The following ZC3H14 variants were observed in gnomAD, a reference collection of about 807,000 sequenced individuals.
The protein encoded by ZC3H14 is zinc finger CCCH-type containing 14.
A neutral mutation model predicts 92.4 loss-of-function variants in ZC3H14; 31 were observed. The ratio of observed to expected loss-of-function variants is 0.34; its 90% CI spans 0.25 to 0.45. ZC3H14 has a LOEUF of 0.45. ZC3H14 is among the 20% of genes least tolerant of loss of function. The pLI is 1.00. For synonymous variants in ZC3H14, 321 were observed against 300.9 expected (o/e 1.07, Z -0.69); for missense variants, 781 against 897.3 (o/e 0.87, Z 1.66).
intron 9 of ZC3H14, among the ~76,000 whole-genome samples, chr14:88,587,758 CA>C (rs1339161845): frequency 6.6e-6 from 1 of 151,880 alleles, no homozygotes; most frequent in South Asian, 2.1e-4. Context: ...CCAGCGTGGG[CA>C]ACATAGCGAG....
chr14:88,583,112 T>C (rs777135004), intron 9 of ZC3H14, among the ~76,000 whole-genome samples: 80 of 151,016 alleles, frequency 5.3e-4, no homozygotes, highest in Non-Finnish European at 1.1e-3. Flanking sequence ...TTGTTTTCTA[T>C]TTCATTGACT....
intron 13 of ZC3H14, among the ~76,000 whole-genome samples, chr14:88,607,580 A>AAGTG (rs2085661863): frequency 7.6e-6 from 1 of 131,928 alleles, no homozygotes; most frequent in African/African-American, 2.9e-5. Flanking sequence ...CTCACCCTGC[A>AAGTG]AGTACCATCT....
At chr14:88,593,179 G>T (rs572866506) in intron 9 of ZC3H14, among the ~76,000 whole-genome samples, 1 of 152,106 alleles carries the variant, frequency 6.6e-6, no homozygotes, top group African/African-American at 2.4e-5. Context: ...CATTGGTCAG[G>T]CTGGTCTCGA....
At position 88,610,843 on chromosome 14, in the gene ZC3H14, T is replaced by G; in HGVS notation, c.2107T>G (p.Phe703Val). ...CPFYHPKHCR[F>V]NTQCTRPDCT... ...TGTTATCTCTATTCAGCATTGTAGGTTTAACACTCAATGTACAAGACCGGA... is the reference window on the plus strand; with the variant it reads ...TGTTATCTCTATTCAGCATTGTAGGGTTAACACTCAATGTACAAGACCGGA... Residue 703 changes from phenylalanine to valine, a missense_variant, in exon 16 of 17, where the codon TTT (phenylalanine) becomes GTT (valine). Phe to Val is a conservative substitution (Grantham distance 50, BLOSUM62 -1). Transcript: ENST00000251038. The G allele has an allele frequency of 6.2e-7, 1 of 1,613,942 alleles. No homozygotes were observed. The highest frequency in any genetic ancestry group is 1.1e-5 in the South Asian group (1 of 91,064).
intron 9 of ZC3H14, chr14:88,594,735 G>A (rs770044415): frequency 8.7e-6 from 14 of 1,613,878 alleles, no homozygotes; most frequent in Non-Finnish European, 1.1e-5. Flanking sequence ...TTATGAGAAT[G>A]TCTTCAAAGT....
rs764134823 is a variant in ZC3H14 at position 88,618,625 on chromosome 14, T to G, written c.*6874T>G. 6.3e-7 allele frequency: 1 copy of G among 1,586,304 alleles called. No homozygotes were observed. The highest frequency in any genetic ancestry group is 2.2e-5 in the East Asian group (1 of 44,622). The stretch of plus-strand genomic sequence containing the variant: ...TGTAAAAGCAGAAGAACTTGCCACC[T>G]GGGTATACAGTATTGGTACTGTACC... On this transcript the variant is annotated 3_prime_UTR_variant, in exon 17 of 17. Transcript: ENST00000251038.
At position 88,622,437 on chromosome 14, in the gene ZC3H14, G is replaced by A; in HGVS notation, c.*10686G>A. 4.1e-6 allele frequency: 2 copies of A among 487,510 alleles called. No individual in the cohort carries two copies. The highest frequency in any genetic ancestry group is 7.0e-6 in the Non-Finnish European group (2 of 284,982). 30.2% of individuals were successfully genotyped at this position (487,510 alleles called of 1,614,324 possible). ...GCTTCCTAGCTTATGCACCACACTG[G>A]TGCTAACTTTGGCAAAGAAAGCAGC... On this transcript the variant is annotated 3_prime_UTR_variant, in exon 17 of 17. Transcript: ENST00000251038.
At position 88,563,450 on chromosome 14, in the gene ZC3H14, C is replaced by T. The variant is rs1595445044; in HGVS notation, c.37-201C>T. 4.2e-6 allele frequency: 6 copies of T among 1,431,176 alleles called. No individual in the cohort carries two copies. The South Asian group carries it at 4.5e-5, about 11-fold the overall frequency. The allele number at this position is 1,431,176 out of a possible 1,614,324, so 88.7% of individuals were successfully genotyped here. On this transcript the variant is annotated intron_variant, in intron 1 of 16. Transcript: ENST00000251038. Reference sequence around the variant, plus strand: ...GCACGGCGCCGCTTTGGATCCGCTGCGGGAGGTGGGCGCCGCGGGGCTGGG... The same window carrying T: ...GCACGGCGCCGCTTTGGATCCGCTGTGGGAGGTGGGCGCCGCGGGGCTGGG...
Position 88,617,150 on chromosome 14 carries a change from C to CTT in ZC3H14, c.*5411_*5412dup, listed in dbSNP as rs1358683137. 89 of 184,886 alleles carry CTT rather than the reference C, an allele frequency of 4.8e-4. No homozygotes were observed. Among genetic ancestry groups the CTT allele is most frequent in the Non-Finnish European group, 6.2e-4 (57 of 91,510 alleles). The allele number at this position is 184,886 out of a possible 1,614,324, so 11.5% of individuals were successfully genotyped here. A position where few individuals can be genotyped will look rare whatever the true frequency, so the allele number is the denominator to read the frequency against. ...ATGAAAACTGATAGAACTATTTTTT[C>CTT]TTTTTTTTTTTTTGAGACGGAGTTT... On this transcript the variant is annotated 3_prime_UTR_variant, in exon 17 of 17. Transcript: ENST00000251038.
rs781511544 is a variant in ZC3H14 at position 88,595,181 on chromosome 14, T to C, written c.1280-1553T>C. 3.1e-6 allele frequency: 5 copies of C among 1,589,218 alleles called. No homozygotes were observed. The Admixed American group carries it at 6.8e-5, about 22-fold the overall frequency. On this transcript the variant is annotated intron_variant, in intron 9 of 16. Transcript: ENST00000251038. ...TCTGTATCTTTCCACGTATGTTGACTGTAGCTCTGATGTGGAGGGAGCAAG... is the reference window on the plus strand; with the variant it reads ...TCTGTATCTTTCCACGTATGTTGACCGTAGCTCTGATGTGGAGGGAGCAAG...
Position 88,624,953 on chromosome 14 carries a change from A to C in ZC3H14, c.*13202A>C. 6.2e-7 allele frequency: 1 copy of C among 1,611,686 alleles called. No individual in the cohort carries two copies. The highest frequency in any genetic ancestry group is 8.5e-7 in the Non-Finnish European group (1 of 1,178,960). ...TCACAAATGCATAAATATTCTGTGA[A>C]AAGAAAGAGGACTCACGGCCTTTCC... is the stretch of plus-strand genomic sequence containing the variant. On this transcript the variant is annotated 3_prime_UTR_variant, in exon 17 of 17. Transcript: ENST00000251038.
Position 88,626,662 on chromosome 14 carries a change from C to A in ZC3H14, c.*14911C>A. 1.5e-6 allele frequency: 1 copy of A among 664,346 alleles called. No individual in the cohort carries two copies. The highest frequency in any genetic ancestry group is 2.5e-6 in the Non-Finnish European group (1 of 405,208). 41.2% of individuals were successfully genotyped at this position (664,346 alleles called of 1,614,324 possible). ...TTCCCCCTCTCATTAACATTCTTTT[C>A]ACTCCCTAATTTCTGAAAGAACTAG... On this transcript the variant is annotated 3_prime_UTR_variant, in exon 17 of 17. Coordinates refer to ENST00000251038, the MANE Select transcript of ZC3H14 (RefSeq NM_024824.5).
intron 9 of ZC3H14, chr14:88,590,641 A>G (rs2083017484): frequency 6.6e-6 from 1 of 152,080 alleles, no homozygotes; most frequent in Non-Finnish European, 1.5e-5. Context: ...TAGTTTAGGT[A>G]TTTTTATCCG....
chr14:88,569,405 T>A (rs952812696), intron 3 of ZC3H14, among the ~76,000 whole-genome samples: 8 of 152,182 alleles, frequency 5.3e-5, no homozygotes, highest in African/African-American at 7.2e-5. Context: ...TTTTTTTAAG[T>A]TTGGAATTTT....
intron 16 of ZC3H14, among the ~76,000 whole-genome samples, chr14:88,611,309 T>C (rs554798120): frequency 7.9e-5 from 12 of 151,844 alleles, no homozygotes; most frequent in Non-Finnish European, 1.3e-4. Context: ...AGAGATGGGG[T>C]CTTGAACTCC....
At position 88,616,747 on chromosome 14, in the gene ZC3H14, G is replaced by A; in HGVS notation, c.*4996G>A. ...TTACAAATTTTTCTGGACATGGGAAGTCAAATAACTTAACCATGCCAAAGT... is the reference window on the plus strand; with the variant it reads ...TTACAAATTTTTCTGGACATGGGAAATCAAATAACTTAACCATGCCAAAGT... On this transcript the variant is annotated 3_prime_UTR_variant, in exon 17 of 17. Coordinates refer to ENST00000251038, the MANE Select transcript of ZC3H14 (RefSeq NM_024824.5). 1 of 1,613,516 alleles carries A rather than the reference G, an allele frequency of 6.2e-7. No homozygotes were observed. Among genetic ancestry groups the A allele is most frequent in the African/African-American group, 1.3e-5 (1 of 75,030 alleles).
Position 88,622,718 on chromosome 14 carries a change from C to T in ZC3H14, c.*10967C>T. 1 of 1,600,090 alleles carries T rather than the reference C, an allele frequency of 6.2e-7. No individual in the cohort carries two copies. Among genetic ancestry groups the T allele is most frequent in the Non-Finnish European group, 8.5e-7 (1 of 1,173,042 alleles). On this transcript the variant is annotated 3_prime_UTR_variant, in exon 17 of 17. Transcript: ENST00000251038. ...GTTTAACCGCTCCTCCTTCTTTTGA[C>T]CTAAGTAAATAACCAAGCCAGAGTA...
At chr14:88,568,289 C>A in intron 3 of ZC3H14, 136 bp downstream of exon 3, 2 of 725,562 alleles carry the variant, frequency 2.8e-6, no homozygotes, top group Admixed American at 2.0e-5. Context: ...AGAGCACAGC[C>A]TCTGTATTAG....
At chr14:88,594,313 A>G in intron 9 of ZC3H14, 2 of 775,898 alleles carry the variant, frequency 2.6e-6, no homozygotes, top group South Asian at 1.0e-4. Flanking sequence ...CTCTCATCAT[A>G]TGAAGTAAAT....
Sources: allele counts gnomAD v4.1 joint callset (sites outside exome capture counted in the v4.1 genomes callset), GRCh38; gene constraint gnomAD v4.1.1; transcripts MANE v1.5; gene names NCBI Gene and HGNC (gene_info 2026-07-23, HGNC 2026-07-21).